The following CYFIP2 variants were observed in gnomAD, a reference collection of about 807,000 sequenced individuals.
CYFIP2 encodes the protein cytoplasmic FMR1-interacting protein 2.
CYFIP2 carries 29 observed loss-of-function variants against 158.7 expected under a neutral mutation model. The observed-to-expected ratio is 0.18, with a 90% CI of 0.14 to 0.25. The LOEUF is 0.25. Among genes scored for constraint, CYFIP2 ranks in the 10% least tolerant of loss-of-function variants. CYFIP2 has a pLI of 1.00. For missense variants in CYFIP2, 852 were observed against 1,639.5 expected, an observed-to-expected ratio of 0.52 and a Z score of 8.29; for synonymous variants, 585 against 617.6, an observed-to-expected ratio of 0.95 and a Z score of 0.78.
At chr5:157,383,178 C>A in intron 27 of CYFIP2, 87 bp from the exon 28 acceptor site, 1 of 1,143,754 alleles carries the variant, frequency 8.7e-7, no homozygotes, top group African/African-American at 1.5e-5. Flanking sequence ...AATGCAGATA[C>A]ATCATCAGGT....
intron 1 of CYFIP2, among the ~76,000 whole-genome samples, chr5:157,284,969 A>G (rs148505934): frequency 1.5e-3 from 222 of 152,340 alleles, no homozygotes; most frequent in African/African-American, 4.2e-3. Flanking sequence ...GAAACTAACC[A>G]TGACCTATGT....
At chr5:157,384,277 A>G (rs1052739566) in intron 28 of CYFIP2, 4 of 456,702 alleles carry the variant, frequency 8.8e-6, no homozygotes, top group African/African-American at 8.0e-5. Flanking sequence ...GCGGAGAAAC[A>G]AAAGGCATGT....
chr5:157,373,857 T>A (rs561527779), intron 26 of CYFIP2, among the ~76,000 whole-genome samples: 24 of 152,292 alleles, frequency 1.6e-4, no homozygotes, highest in Admixed American at 1.4e-3. Flanking sequence ...CTTTAAAAAA[T>A]TTATCTGCAT....
chr5:157,365,671 C>T (rs1033142654), intron 26 of CYFIP2, among the ~76,000 whole-genome samples: 1 of 151,414 alleles, frequency 6.6e-6, no homozygotes, highest in Non-Finnish European at 1.5e-5. Flanking sequence ...TCTTTCATGC[C>T]CTCTTCAGTG....
Position 157,287,014 on chromosome 5 carries a change from C to T in CYFIP2, c.118-5C>T, listed in dbSNP as rs752839483. 1 of 1,612,518 alleles carries T rather than the reference C, an allele frequency of 6.2e-7. No homozygotes were observed. Among genetic ancestry groups the T allele is most frequent in the Non-Finnish European group, 8.5e-7 (1 of 1,178,852 alleles). On this transcript the variant is annotated splice_polypyrimidine_tract_variant and splice_region_variant and intron_variant, in intron 2 of 30. Transcript: ENST00000620254. ...CCAAAATGTTCCTGTCCTCTAATTC[C>T]ACAGGCTAACTTTGACACAAACTTT...
chr5:157,337,799 T>A (rs142017363), intron 21 of CYFIP2, among the ~76,000 whole-genome samples: 12 of 152,280 alleles, frequency 7.9e-5, no homozygotes, highest in Non-Finnish European at 1.5e-4. Context: ...TTAGCCTTTA[T>A]GCTGTAAAGC....
At chr5:157,358,009 C>T (rs1763532433) in intron 23 of CYFIP2, among the ~76,000 whole-genome samples, 1 of 152,144 alleles carries the variant, frequency 6.6e-6, no homozygotes, top group Non-Finnish European at 1.5e-5. Flanking sequence ...GCCTCAGTTC[C>T]CTCATCTGTG....
Position 157,323,917 on chromosome 5 carries a change from C to G in CYFIP2, c.1672-4C>G. ...GACCTTCTCATCTTGCTTTCTTTTTCAAGCTGTACATGGTGCGGACCATGC... is the reference window on the plus strand; with the variant it reads ...GACCTTCTCATCTTGCTTTCTTTTTGAAGCTGTACATGGTGCGGACCATGC... On this transcript the variant is annotated splice_polypyrimidine_tract_variant and splice_region_variant and intron_variant, in intron 15 of 30. Coordinates refer to ENST00000620254, the MANE Select transcript of CYFIP2 (RefSeq NM_001037333.3). 2 of 1,554,270 alleles carry G rather than the reference C, an allele frequency of 1.3e-6. No homozygotes were observed. Among genetic ancestry groups the G allele is most frequent in the South Asian group, 2.4e-5 (2 of 84,826 alleles).
At chr5:157,314,306 G>A (rs1218221833) in intron 11 of CYFIP2, 38 bp from the exon 12 acceptor site, 25 of 1,602,862 alleles carry the variant, frequency 1.6e-5, no homozygotes, top group Non-Finnish European at 2.1e-5. Context: ...AAAGTGTCAG[G>A]CACATAGACC....
chr5:157,337,145 T>A (rs1389911808), intron 21 of CYFIP2, among the ~76,000 whole-genome samples: 4 of 152,172 alleles, frequency 2.6e-5, no homozygotes, highest in African/African-American at 9.7e-5. Context: ...TTTTATTTAT[T>A]TAGTACCCAT....
chr5:157,305,355 T>G (rs1326132027), intron 8 of CYFIP2, among the ~76,000 whole-genome samples: 1 of 152,238 alleles, frequency 6.6e-6, no homozygotes, highest in Non-Finnish European at 1.5e-5. Flanking sequence ...ATCTTCAAGC[T>G]TTTGCTACAT....
chr5:157,279,586 T>A lies in CYFIP2; in HGVS notation c.-23-5753T>A, dbSNP rs1561684708. On this transcript the variant is annotated intron_variant, in intron 1 of 30. Coordinates refer to ENST00000620254, the MANE Select transcript of CYFIP2 (RefSeq NM_001037333.3). Reference sequence around the variant, plus strand: ...AAAGCCCCCCCTTCTCAGAAGCAAATTGCTTGTGTGCCCAATGTTATTATT... The same window carrying A: ...AAAGCCCCCCCTTCTCAGAAGCAAAATGCTTGTGTGCCCAATGTTATTATT... Among the ~76,000 whole-genome samples, 3 of 152,140 alleles carry A rather than the reference T, an allele frequency of 2.0e-5. No individual in the cohort carries two copies. In the South Asian group the frequency reaches 6.2e-4, roughly 32 times the overall value.
intron 7 of CYFIP2, among the ~76,000 whole-genome samples, chr5:157,303,505 T>C (rs1305739934): frequency 1.3e-5 from 2 of 152,190 alleles, no homozygotes; most frequent in African/African-American, 4.8e-5. Flanking sequence ...AGCAAGAATA[T>C]CTGCAGGACT....
chr5:157,315,216 A>G (rs1051042168), intron 13 of CYFIP2, 122 bp downstream of exon 13: 8 of 1,314,364 alleles, frequency 6.1e-6, no homozygotes, highest in African/African-American at 1.5e-5. Context: ...TCCCTGTCCT[A>G]CCATCTAAAT....
Position 157,296,688 on chromosome 5 carries a change from C to A in CYFIP2, c.301C>A (p.Gln101Lys). 6.2e-7 allele frequency: 1 copy of A among 1,613,540 alleles called. No individual in the cohort carries two copies. Among genetic ancestry groups the A allele is most frequent in the Non-Finnish European group, 8.5e-7 (1 of 1,179,612 alleles). ...TCCCCCACAGGTGAAATGCAACGAG[C>A]AGCCCAACCGAGTAGAGATCTATGA... ...RAIPQVKCNE[Q>K]PNRVEIYEKT... The change falls in exon 5 of 31, where the codon CAG (glutamine) becomes AAG (lysine). Residue 101 changes from glutamine (Q) to lysine (K), a missense_variant. Gln to Lys is a moderately conservative substitution (Grantham distance 53, BLOSUM62 1). Around this residue, in one of 8 missense-constraint regions of CYFIP2, gnomAD observed 123 missense variants for 316.7 expected, o/e 0.39. Transcript: ENST00000620254.
chr5:157,284,739 A>C (rs1259836704), intron 1 of CYFIP2, among the ~76,000 whole-genome samples: 1 of 152,226 alleles, frequency 6.6e-6, no homozygotes, highest in African/African-American at 2.4e-5. Flanking sequence ...GATGTGGCTC[A>C]CAAAACATAC....
In CYFIP2 at chr5:157,377,870, TG is replaced by T. The variant is rs1765641512; in HGVS notation, c.3040-4719del. ...AGAAGATTCTCAATCAATGTTTACA[TG>T]AGATGTGGGTCACTGCCCTGGTCCT... On this transcript the variant is annotated intron_variant, in intron 26 of 30. Transcript: ENST00000620254. Among the ~76,000 whole-genome samples the T allele has an allele frequency of 7.2e-5, 11 of 152,358 alleles. 1 individual carries two copies. The highest frequency in any genetic ancestry group is 6.5e-4 in the Admixed American group (10 of 15,310).
intron 26 of CYFIP2, chr5:157,363,586 TGCCAAGG>T (rs1418231085): frequency 1.3e-5 from 2 of 152,548 alleles, no homozygotes; most frequent in South Asian, 4.1e-4. Flanking sequence ...AGTGAGCTGG[TGCCAAGG>T]GGACAGAGGT....
intron 23 of CYFIP2, among the ~76,000 whole-genome samples, chr5:157,358,630 T>C (rs528999800): frequency 7.9e-5 from 12 of 152,356 alleles, no homozygotes; most frequent in African/African-American, 2.9e-4. Flanking sequence ...AGCCAATGTC[T>C]AGTACTAGTA....
Sources: gnomAD v4.1 joint callset for allele counts (sites outside exome capture counted in the v4.1 genomes callset) on GRCh38, gnomAD v4.1.1 for gene constraint, gnomAD v4.1.1 regional missense constraint, MANE v1.5 for transcripts, NCBI Gene and HGNC (gene_info 2026-07-23, HGNC 2026-07-21) for gene names.